The following GCSAML variants were observed in gnomAD, a reference collection of about 807,000 sequenced individuals.
GCSAML encodes the protein germinal center associated signaling and motility like.
Under a neutral mutation model 13.0 loss-of-function variants are expected in GCSAML, and 9 were observed. That is an observed-to-expected ratio of 0.69 (90% CI 0.42 to 1.21). The LOEUF (loss-of-function observed/expected upper bound fraction) is 1.21, where lower values mean the gene tolerates loss of function less well. Among genes scored for constraint, GCSAML ranks in the 50% most tolerant of loss-of-function variants. GCSAML has a pLI of 0.00. For synonymous variants in GCSAML, 37 were observed against 52.9 expected (o/e 0.70, Z 1.31); for missense variants, 143 against 153.4 (o/e 0.93, Z 0.36).
chr1:247,548,362 C>T (rs1348490484), upstream of GCSAML, among the ~76,000 whole-genome samples: 1 of 152,162 alleles, frequency 6.6e-6, no homozygotes, highest in Non-Finnish European at 1.5e-5. This position sits in a 1 kb window ranked among gnomAD's most constrained non-coding sequence, Gnocchi z 5.3. Flanking sequence ...AAGTGGGGGA[C>T]CAGATGCTGG....
In GCSAML at chr1:247,526,304, G is replaced by GTTTATATTTTTTA. The variant is rs1362379631; in HGVS notation, c.-262-636_-262-635insTTTATATTTTTTA. ...AAAGTTTATATTTTTTACTCTATCT[G>GTTTATATTTTTTA]GCTCATAATACCTGACCTAAAGTTC... On this transcript the variant is annotated intron_variant, in intron 1 of 5. Coordinates refer to the GCSAML transcript ENST00000366489. This position sits in a 1 kb window ranked among gnomAD's most constrained non-coding sequence, Gnocchi z 4.8. 1 of 152,160 alleles carries GTTTATATTTTTTA rather than the reference G, an allele frequency of 6.6e-6. No individual in the cohort carries two copies. The highest frequency in any genetic ancestry group is 1.5e-5 in the Non-Finnish European group (1 of 68,044). The allele number at this position is 152,160 out of a possible 1,614,324, so 9.4% of individuals were successfully genotyped here.
chr1:247,539,505 G>A (rs1667334362), intron 2 of GCSAML, among the ~76,000 whole-genome samples: 1 of 152,164 alleles, frequency 6.6e-6, no homozygotes, highest in Non-Finnish European at 1.5e-5. Flanking sequence ...GAGGAAACTG[G>A]TGGCAGTTTT....
intron 1 of GCSAML, among the ~76,000 whole-genome samples, chr1:247,555,864 T>TA (rs1157059146): frequency 6.6e-6 from 1 of 152,226 alleles, no homozygotes; most frequent in African/African-American, 2.4e-5. Flanking sequence ...AAGATGATGA[T>TA]AATTGATGGC....
Position 247,576,117 on chromosome 1 carries a change from A to T in GCSAML, c.*1735A>T, listed in dbSNP as rs1315551673. On this transcript the variant is annotated 3_prime_UTR_variant, in exon 5 of 5. Coordinates refer to ENST00000366488, the MANE Select transcript of GCSAML (RefSeq NM_145278.5). Reference sequence around the variant, plus strand: ...TAATCATAAAATTCACTTATGTTTGATATACACCTTATCTGAATAGCCTGA... The same window carrying T: ...TAATCATAAAATTCACTTATGTTTGTTATACACCTTATCTGAATAGCCTGA... The T allele has an allele frequency of 2.6e-5, 4 of 152,194 alleles. No individual in the cohort carries two copies. The highest frequency in any genetic ancestry group is 9.6e-5 in the African/African-American group (4 of 41,452). 9.4% of individuals were successfully genotyped at this position (152,194 alleles called of 1,614,324 possible).
At position 247,565,889 on chromosome 1, in the gene GCSAML, T is replaced by A. The variant is rs555023159; in HGVS notation, c.140-42T>A. The A allele has an allele frequency of 3.3e-6, 5 of 1,502,588 alleles. No individual in the cohort carries two copies. The East Asian group carries it at 1.2e-4, about 35-fold the overall frequency. The allele number at this position is 1,502,588 out of a possible 1,614,324, so 93.1% of individuals were successfully genotyped here. A position where few individuals can be genotyped will look rare whatever the true frequency, so the allele number is the denominator to read the frequency against. ...CTGTGATGGGGCAAAAGTCTCACAG[T>A]GCTTTCCTTTCTTTCTTTTTTTTTT... is the stretch of plus-strand genomic sequence containing the variant. On this transcript the variant is annotated intron_variant, in intron 3 of 4. Transcript: ENST00000366488.
At chr1:247,512,780 T>A (rs1666084476) in intron 1 of GCSAML, among the ~76,000 whole-genome samples, 1 of 152,148 alleles carries the variant, frequency 6.6e-6, no homozygotes, top group Non-Finnish European at 1.5e-5. Context: ...CTATTGCAGA[T>A]CTGCTGGAGT....
chr1:247,543,835 G>A (rs1667484861), intron 2 of GCSAML, among the ~76,000 whole-genome samples: 1 of 151,348 alleles, frequency 6.6e-6, no homozygotes, highest in African/African-American at 2.4e-5. Flanking sequence ...TGTCACCCAG[G>A]CTGGAGTGCA....
intron 2 of GCSAML, chr1:247,532,476 G>A: frequency 6.2e-7 from 1 of 1,614,058 alleles, no homozygotes; most frequent in Non-Finnish European, 8.5e-7. Flanking sequence ...GGAGGACAAA[G>A]ACTTCTGGAG....
chr1:247,546,809 G>A (rs1667598099), upstream of GCSAML, among the ~76,000 whole-genome samples: 2 of 152,116 alleles, frequency 1.3e-5, no homozygotes, highest in East Asian at 1.9e-4. Flanking sequence ...TCACAAGGGG[G>A]CTGGATGTGG....
chr1:247,563,674 G>T (rs748810788), intron 3 of GCSAML, 35 bp downstream of exon 3: 8 of 1,274,840 alleles, frequency 6.3e-6, no homozygotes, highest in Admixed American at 1.8e-5. Context: ...TTCATAGTAG[G>T]GAAGTGCAAA....
intron 1 of GCSAML, among the ~76,000 whole-genome samples, chr1:247,511,649 C>T (rs1471787039): frequency 6.6e-6 from 1 of 152,206 alleles, no homozygotes; most frequent in Non-Finnish European, 1.5e-5. Context: ...TTTGCAGAGG[C>T]TGGTACTGGT....
In GCSAML at chr1:247,521,767, A is replaced by C. The variant is rs541573160; in HGVS notation, c.-262-5173A>C. Among the ~76,000 whole-genome samples the C allele has an allele frequency of 4.2e-4, 64 of 152,114 alleles. No individual in the cohort carries two copies. The East Asian group carries it at 4.9e-3, about 12-fold the overall frequency. ...CCCAGCCGCCTGCCTTGGCCTCCCA[A>C]AGTGCCGAGATTGCAGCCTCTGCCT... On this transcript the variant is annotated intron_variant, in intron 1 of 5. Coordinates refer to the GCSAML transcript ENST00000366489.
chr1:247,543,342 T>C (rs923306096), intron 2 of GCSAML, among the ~76,000 whole-genome samples: 14 of 152,340 alleles, frequency 9.2e-5, no homozygotes, highest in Middle Eastern at 3.4e-3. Context: ...AGAACACACA[T>C]TCAAATAGCT....
Position 247,532,466 on chromosome 1 carries a change from G to C in GCSAML, c.-148+5412G>C. 1 of 1,614,134 alleles carries C rather than the reference G, an allele frequency of 6.2e-7. No individual in the cohort carries two copies. Among genetic ancestry groups the C allele is most frequent in the African/African-American group, 1.3e-5 (1 of 75,034 alleles). ...AGTGAGGGTCGTGTGGAGAAGCCCA[G>C]GAGGACAAAGACTTCTGGAGAACTC... On this transcript the variant is annotated intron_variant, in intron 2 of 5. Coordinates refer to the GCSAML transcript ENST00000366489.
At chr1:247,507,551 C>A in intron 1 of GCSAML, among the ~76,000 whole-genome samples, 1 of 152,086 alleles carries the variant, frequency 6.6e-6, no homozygotes, top group Non-Finnish European at 1.5e-5. Context: ...ACTGTAAGTT[C>A]TGGGATACAC....
chr1:247,513,705 C>T (rs1666120031), intron 1 of GCSAML, among the ~76,000 whole-genome samples: 1 of 152,226 alleles, frequency 6.6e-6, no homozygotes, highest in South Asian at 2.1e-4. Context: ...GTATCTGGGG[C>T]TGCAGTGCAC....
chr1:247,524,029 C>G (rs1666555976), intron 1 of GCSAML, among the ~76,000 whole-genome samples: 1 of 151,166 alleles, frequency 6.6e-6, no homozygotes, highest in Non-Finnish European at 1.5e-5. Context: ...CACACACACA[C>G]TCTGCAGATG....
At chr1:247,542,272 G>A (rs1381492483) in intron 2 of GCSAML, among the ~76,000 whole-genome samples, 2 of 152,160 alleles carry the variant, frequency 1.3e-5, no homozygotes, top group Non-Finnish European at 2.9e-5. Flanking sequence ...GGGCTACACA[G>A]TGAGACCTTG....
intron 2 of GCSAML, chr1:247,528,931 G>A (rs1397257984): frequency 6.6e-6 from 1 of 152,162 alleles, no homozygotes; most frequent in African/African-American, 2.4e-5. Flanking sequence ...TGGTAGATAA[G>A]ATGACTCATC....
Sources: gnomAD v4.1 joint callset for allele counts (sites outside exome capture counted in the v4.1 genomes callset) on GRCh38, gnomAD v4.1.1 for gene constraint, Gnocchi (gnomAD v3.1) non-coding constraint, MANE v1.5 for transcripts, NCBI Gene and HGNC (gene_info 2026-07-23, HGNC 2026-07-21) for gene names.